Variants in KANTR observed in about 807,000 individuals in gnomAD.
The protein encoded by KANTR is KDM5C adjacent transcript.
chrX:53,106,312 T>C (rs1378460168), intron 2 of KANTR, among the ~76,000 whole-genome samples: 2 of 110,628 alleles, frequency 1.8e-5, no homozygotes, highest in Non-Finnish European at 3.8e-5. Context: ...CAATAAATCA[T>C]CGCCTAAATC....
At chrX:53,133,487 C>G (rs897232138) in intron 2 of KANTR, among the ~76,000 whole-genome samples, 15 of 111,746 alleles carry the variant, frequency 1.3e-4, no homozygotes, top group African/African-American at 4.6e-4. Context: ...GAGGAGGAAA[C>G]AGCCACACCT....
At chrX:53,117,564 T>C (rs190731242) in intron 2 of KANTR, among the ~76,000 whole-genome samples, 1 of 107,970 alleles carries the variant, frequency 9.3e-6, no homozygotes, top group Non-Finnish European at 1.9e-5. Flanking sequence ...GACTCAGTTG[T>C]GAGCCTTGTA....
At chrX:53,119,363 T>G (rs377261154) in intron 2 of KANTR, among the ~76,000 whole-genome samples, 2 of 112,553 alleles carry the variant, frequency 1.8e-5, no homozygotes, top group South Asian at 3.6e-4. Flanking sequence ...CCTATAGTTA[T>G]AAACATTTTC....
chrX:53,123,489 C>A (rs1316406959), exon 3 of KANTR: 1 of 111,575 alleles, frequency 9.0e-6, no homozygotes, highest in Non-Finnish European at 1.9e-5. Context: ...ATTATTAGAA[C>A]CATCACCCTG....
intron 2 of KANTR, among the ~76,000 whole-genome samples, chrX:53,134,581 A>G (rs2146753848): frequency 9.0e-6 from 1 of 111,462 alleles, no homozygotes; most frequent in East Asian, 2.8e-4. Context: ...TCTATGTTGA[A>G]TACATTTAAA....
At chrX:53,127,842 C>G (rs1408669554), downstream of KANTR, among the ~76,000 whole-genome samples, 1 of 111,295 alleles carries the variant, frequency 9.0e-6, no homozygotes, top group Non-Finnish European at 1.9e-5. Context: ...TCCTGGTCCC[C>G]AGGCCAAGCA....
intron 2 of KANTR, among the ~76,000 whole-genome samples, chrX:53,115,730 C>T (rs1933114431): frequency 8.9e-6 from 1 of 112,910 alleles, no homozygotes; most frequent in South Asian, 3.6e-4. Flanking sequence ...TCTTTTCCCA[C>T]TGCACTGCCT....
intron 2 of KANTR, among the ~76,000 whole-genome samples, chrX:53,110,467 C>T (rs1261934179): frequency 1.8e-5 from 2 of 112,052 alleles, no homozygotes; most frequent in Non-Finnish European, 3.8e-5. Context: ...TGTGATAAAT[C>T]CTACTCGATC....
downstream of KANTR, among the ~76,000 whole-genome samples, chrX:53,130,164 A>T (rs1227820451): frequency 3.6e-5 from 4 of 111,549 alleles, no homozygotes; most frequent in Non-Finnish European, 7.5e-5. Flanking sequence ...ACCGCGCCTG[A>T]CCCTACATAA....
At chrX:53,113,601 C>T (rs781951155) in intron 2 of KANTR, among the ~76,000 whole-genome samples, 1 of 85,834 alleles carries the variant, frequency 1.2e-5, no homozygotes, top group East Asian at 3.7e-4. Context: ...GGTGGAGTCT[C>T]GCTCTGTCAC....
downstream of KANTR, chrX:53,143,187 T>C (rs1933527480): frequency 2.6e-6 from 2 of 778,944 alleles, no homozygotes; most frequent in Non-Finnish European, 3.9e-6. Flanking sequence ...TGACCTGACC[T>C]GGCCATCAGG....
intron 2 of KANTR, among the ~76,000 whole-genome samples, chrX:53,107,395 G>A (rs1274552066): frequency 1.1e-4 from 10 of 88,374 alleles, no homozygotes; most frequent in Non-Finnish European, 1.7e-4. Flanking sequence ...CTCCTGCCTC[G>A]TCCTCCCAAA....
At chrX:53,094,599 C>G (rs1461734116) in intron 1 of KANTR, 1 of 111,726 alleles carries the variant, frequency 9.0e-6, no homozygotes, top group Non-Finnish European at 1.9e-5. Flanking sequence ...GCGTGCGTGT[C>G]TGTCTTTGCA....
At chrX:53,111,345 T>C (rs1024617282) in intron 2 of KANTR, among the ~76,000 whole-genome samples, 3 of 111,076 alleles carry the variant, frequency 2.7e-5, no homozygotes, top group Non-Finnish European at 3.8e-5. Context: ...AACTGGCTAT[T>C]TTAAGCTGGT....
At chrX:53,130,330 T>C (rs1933345889), downstream of KANTR, among the ~76,000 whole-genome samples, 1 of 112,267 alleles carries the variant, frequency 8.9e-6, no homozygotes. Context: ...GGCCCTCTAC[T>C]GTGTGCAAAC....
chrX:53,114,336 C>T (rs924515525), intron 2 of KANTR, among the ~76,000 whole-genome samples: 3 of 112,847 alleles, frequency 2.7e-5, no homozygotes, highest in Admixed American at 9.3e-5. Context: ...CCTGAGCCAC[C>T]GTGCTTGGCC....
intron 1 of KANTR, among the ~76,000 whole-genome samples, chrX:53,095,219 A>G (rs1420820839): frequency 1.8e-5 from 2 of 111,900 alleles, no homozygotes; most frequent in African/African-American, 6.5e-5. Context: ...CCCTTATCCT[A>G]TATAATGTTA....
intron 1 of KANTR, among the ~76,000 whole-genome samples, chrX:53,095,928 C>T (rs977526290): frequency 4.5e-5 from 5 of 111,141 alleles, no homozygotes; most frequent in African/African-American, 1.3e-4. Context: ...CTCACTCTAT[C>T]TACCCATGCT....
intron 2 of KANTR, among the ~76,000 whole-genome samples, chrX:53,104,119 T>A (rs782113983): frequency 9.0e-6 from 1 of 110,896 alleles, no homozygotes; most frequent in South Asian, 3.8e-4. Flanking sequence ...AGTGATCCTC[T>A]GGCCTCAACT....
Sources: gnomAD v4.1 joint callset for allele counts (sites outside exome capture counted in the v4.1 genomes callset) on GRCh38, gnomAD v4.1.1 for gene constraint, MANE v1.5 for transcripts, NCBI Gene and HGNC (gene_info 2026-07-23, HGNC 2026-07-21) for gene names.